The following ANXA8 variants were observed in gnomAD, a reference collection of about 807,000 sequenced individuals.
The protein encoded by ANXA8 is VAC-beta.
A neutral mutation model predicts 26.8 loss-of-function variants in ANXA8; 9 were observed. The ratio of observed to expected loss-of-function variants is 0.34; its 90% CI spans 0.20 to 0.59. The LOEUF (loss-of-function observed/expected upper bound fraction) is 0.59. ANXA8 is among the 20% of genes least tolerant of loss of function. The probability of loss-of-function intolerance (pLI) is 0.84; values close to 1 mark genes in which losing one functional copy is unlikely to be tolerated. For missense variants in ANXA8, 83 were observed against 238.5 expected, an observed-to-expected ratio of 0.35 and a Z score of 4.29; for synonymous variants, 39 against 94.8, an observed-to-expected ratio of 0.41 and a Z score of 3.42.
At chr10:47,588,659 G>A in the ANXA8 span, 23 of 146,878 alleles carry the variant, frequency 1.6e-4, no homozygotes, top group Admixed American at 1.3e-3. Flanking sequence ...TTGTTGTGAA[G>A]ATTAAATGAG....
the ANXA8 span, chr10:47,510,074 T>TC: frequency 6.1e-6 from 9 of 1,485,584 alleles, no homozygotes; most frequent in Non-Finnish European, 8.1e-6. Context: ...TATGGTTGAC[T>TC]CCAATTTCTT....
At chr10:47,474,106 CGTGA>C (rs1839412454) in intron 8 of ANXA8, 41 bp from the exon 9 acceptor site, 1 of 506,964 alleles carries the variant, frequency 2.0e-6, no homozygotes, top group Non-Finnish European at 3.4e-6. Context: ...CAGACCTCCT[CGTGA>C]TGCCCCTCAG....
the ANXA8 span, among the ~76,000 whole-genome samples, chr10:47,717,304 G>A: frequency 3.1e-5 from 1 of 32,220 alleles, no homozygotes; most frequent in Non-Finnish European, 5.4e-5. Flanking sequence ...TTCTCTTTAT[G>A]TTCAGCTATG....
At chr10:47,646,035 G>A in the ANXA8 span, among the ~76,000 whole-genome samples, 1 of 148,980 alleles carries the variant, frequency 6.7e-6, no homozygotes, top group Non-Finnish European at 1.5e-5. Context: ...TCTTCTTCTA[G>A]CTATCTCTGT....
At chr10:47,683,430 C>T in the ANXA8 span, among the ~76,000 whole-genome samples, 6 of 150,790 alleles carry the variant, frequency 4.0e-5, no homozygotes, top group Non-Finnish European at 8.9e-5. Context: ...GGGTTTCACC[C>T]TTTTAGCCAG....
chr10:47,977,756 A>G, the ANXA8 span, among the ~76,000 whole-genome samples: 3 of 151,808 alleles, frequency 2.0e-5, 1 homozygote, highest in East Asian at 1.9e-4. Context: ...ATATGGGTCA[A>G]TTGAGATTAT....
At chr10:47,940,599 G>A in the ANXA8 span, among the ~76,000 whole-genome samples, 9 of 147,724 alleles carry the variant, frequency 6.1e-5, no homozygotes, top group Non-Finnish European at 1.3e-4. Context: ...GGAGGCCGAG[G>A]AGGGTGGATC....
At chr10:47,671,572 T>G in the ANXA8 span, among the ~76,000 whole-genome samples, 2 of 151,922 alleles carry the variant, frequency 1.3e-5, no homozygotes, top group Non-Finnish European at 2.9e-5. Flanking sequence ...CTAAGTTTTT[T>G]TCGTGAATTA....
the ANXA8 span, among the ~76,000 whole-genome samples, chr10:47,747,286 T>C: frequency 2.0e-5 from 3 of 151,988 alleles, no homozygotes; most frequent in East Asian, 5.8e-4. Context: ...CAAGATATCA[T>C]GTAGAAGGGA....
At chr10:47,620,549 T>C in the ANXA8 span, among the ~76,000 whole-genome samples, 2 of 93,038 alleles carry the variant, frequency 2.1e-5, no homozygotes, top group African/African-American at 8.5e-5. Flanking sequence ...GTTGTATATG[T>C]GCAGATTGTT....
At chr10:47,744,414 G>GGGGTTGGGGGGGGATGGGGGAA in the ANXA8 span, among the ~76,000 whole-genome samples, 1 of 42,962 alleles carries the variant, frequency 2.3e-5, no homozygotes, top group Non-Finnish European at 4.7e-5. Flanking sequence ...CTCCTGGTGG[G>GGGGTTGGGGGGGGATGGGGGAA]GGGGGGGTTG....
the ANXA8 span, among the ~76,000 whole-genome samples, chr10:47,646,174 T>C: frequency 6.8e-6 from 1 of 146,574 alleles, no homozygotes; most frequent in African/African-American, 2.7e-5. Context: ...CTGTCTTAGT[T>C]ATCTATCTCA....
chr10:47,490,078 G>T, the ANXA8 span, among the ~76,000 whole-genome samples: 1 of 150,302 alleles, frequency 6.7e-6, no homozygotes. Flanking sequence ...CTGGGCCTGT[G>T]TGCCAGGTCA....
the ANXA8 span, among the ~76,000 whole-genome samples, chr10:47,733,191 TTC>T: frequency 9.4e-6 from 1 of 106,474 alleles, no homozygotes; most frequent in Non-Finnish European, 2.1e-5. Flanking sequence ...CTTTCTTTCT[TTC>T]TTTCTTTCTT....
At chr10:47,776,729 A>G in the ANXA8 span, among the ~76,000 whole-genome samples, 4 of 151,914 alleles carry the variant, frequency 2.6e-5, no homozygotes, top group Non-Finnish European at 5.9e-5. Flanking sequence ...ATGAGCGTAG[A>G]GGAGGTAGAG....
At chr10:47,757,469 A>G in the ANXA8 span, 1 of 256,692 alleles carries the variant, frequency 3.9e-6, no homozygotes, top group South Asian at 5.5e-5. Flanking sequence ...TTCCACTGCC[A>G]TTTTAAGGAT....
the ANXA8 span, among the ~76,000 whole-genome samples, chr10:47,585,168 C>T: frequency 2.4e-5 from 3 of 124,228 alleles, no homozygotes; most frequent in Admixed American, 2.8e-4. Flanking sequence ...GAGCCTGAGG[C>T]AGGGACAACG....
At chr10:47,669,966 T>C in the ANXA8 span, among the ~76,000 whole-genome samples, 25 of 151,916 alleles carry the variant, frequency 1.6e-4, no homozygotes, top group Non-Finnish European at 2.9e-5. Context: ...TTCTAGAACT[T>C]TTCTATCACA....
chr10:47,986,996 T>G, the ANXA8 span: 1 of 519,726 alleles, frequency 1.9e-6, no homozygotes, highest in African/African-American at 2.2e-5. Context: ...CCTTCCCAGC[T>G]GATGTGAACA....
Sources: allele counts gnomAD v4.1 joint callset (sites outside exome capture counted in the v4.1 genomes callset), GRCh38; gene constraint gnomAD v4.1.1; transcripts MANE v1.5; gene names NCBI Gene and HGNC (gene_info 2026-07-23, HGNC 2026-07-21).